The following TANC2 variants were observed in gnomAD, a reference collection of about 807,000 sequenced individuals.
TANC2 encodes the protein protein TANC2.
Under a neutral mutation model 210.5 loss-of-function variants are expected in TANC2, and 26 were observed. The observed-to-expected ratio is 0.12, with a 90% CI of 0.09 to 0.17. The LOEUF (loss-of-function observed/expected upper bound fraction) is 0.17. Ranked by LOEUF, TANC2 falls within the 10% of genes least tolerant of loss-of-function variation. The probability of loss-of-function intolerance (pLI) is 1.00; values close to 1 mark genes in which losing one functional copy is unlikely to be tolerated. For synonymous variants in TANC2, 931 were observed against 967.1 expected (o/e 0.96, Z 0.69); for missense variants, 2,129 against 2,608.9 (o/e 0.82, Z 4.01).
At chr17:62,980,000 TTC>T (rs1322160958) in intron 1 of TANC2, among the ~76,000 whole-genome samples, 1 of 152,250 alleles carries the variant, frequency 6.6e-6, no homozygotes, top group Admixed American at 6.5e-5. Context: ...GGCTTGAACC[TTC>T]TCTTTCCTTC....
chr17:63,294,995 T>TTATTTAGG (rs1283105407), intron 9 of TANC2, among the ~76,000 whole-genome samples: 1 of 152,252 alleles, frequency 6.6e-6, no homozygotes, highest in African/African-American at 2.4e-5. Context: ...AAAGAAACAT[T>TTATTTAGG]TATTTAGGCA....
At chr17:63,011,482 A>G (rs1220606570) in intron 2 of TANC2, among the ~76,000 whole-genome samples, 1 of 152,152 alleles carries the variant, frequency 6.6e-6, no homozygotes, top group Non-Finnish European at 1.5e-5. Context: ...TCATATCCTT[A>G]CTTAAAAAAT....
Position 63,107,435 on chromosome 17 carries a change from C to T in TANC2, c.322+8078C>T, listed in dbSNP as rs147462735. Among the ~76,000 whole-genome samples the T allele has an allele frequency of 1.7e-4, 26 of 151,622 alleles. No homozygotes were observed. In the East Asian group the frequency reaches 4.8e-3, roughly 28 times the overall value. ...ATACAATTCATGAAGTAGATGTTAACGATTATTGCTTTTTTATGCATGAGA... is the reference window on the plus strand; with the variant it reads ...ATACAATTCATGAAGTAGATGTTAATGATTATTGCTTTTTTATGCATGAGA... On this transcript the variant is annotated intron_variant, in intron 4 of 27. Coordinates refer to ENST00000689528, the Ensembl canonical transcript of TANC2.
intron 11 of TANC2, among the ~76,000 whole-genome samples, chr17:63,321,618 G>A (rs2045496338): frequency 6.6e-6 from 1 of 152,164 alleles, no homozygotes; most frequent in Non-Finnish European, 1.5e-5. Context: ...TCTTCTGACT[G>A]GAGAGTATAT....
rs1416227805 is a variant in TANC2 at position 63,332,495 on chromosome 17, TC to T, written c.1576-7604del. ...CTAACTTGGCACTGTTCCTTGGGCC[TC>T]CTTTGCAATCAGCCCCACTGGATTT... On this transcript the variant is annotated intron_variant, in intron 11 of 27. Transcript: ENST00000689528. The T allele has an allele frequency of 5.9e-5, 24 of 408,184 alleles. No individual in the cohort carries two copies. In the Admixed American group the frequency reaches 6.1e-4, roughly 10 times the overall value. The allele number at this position is 408,184 out of a possible 1,614,324, so 25.3% of individuals were successfully genotyped here. A position where few individuals can be genotyped will look rare whatever the true frequency, so the allele number is the denominator to read the frequency against.
At chr17:63,133,443 T>C (rs2038989341) in intron 4 of TANC2, among the ~76,000 whole-genome samples, 3 of 152,146 alleles carry the variant, frequency 2.0e-5, no homozygotes, top group Admixed American at 2.0e-4. Context: ...ACTAGGATCT[T>C]CTTCAGCTTA....
intron 8 of TANC2, among the ~76,000 whole-genome samples, chr17:63,264,595 T>C (rs1022168172): frequency 1.3e-5 from 2 of 152,126 alleles, no homozygotes; most frequent in African/African-American, 4.8e-5. Context: ...CTTATTTAAT[T>C]GAGTAATTTG....
chr17:63,107,423 A>G (rs2037869381), intron 4 of TANC2, among the ~76,000 whole-genome samples: 1 of 151,764 alleles, frequency 6.6e-6, no homozygotes, highest in Non-Finnish European at 1.5e-5. Context: ...CAATTCATGA[A>G]GTAGATGTTA....
At chr17:62,987,087 G>A (rs934113372) in intron 1 of TANC2, among the ~76,000 whole-genome samples, 2 of 152,136 alleles carry the variant, frequency 1.3e-5, no homozygotes, top group African/African-American at 4.8e-5. Flanking sequence ...GGCCTCTCCC[G>A]CTGGGGGAGT....
At chr17:63,340,421 C>A in intron 12 of TANC2, 89 bp downstream of exon 12, 1 of 1,094,496 alleles carries the variant, frequency 9.1e-7, no homozygotes. Flanking sequence ...GATTTTATCA[C>A]ATTGCCAAAA....
At chr17:62,972,378 A>G (rs371380807) in intron 1 of TANC2, among the ~76,000 whole-genome samples, 1 of 152,224 alleles carries the variant, frequency 6.6e-6, no homozygotes, top group South Asian at 2.1e-4. Flanking sequence ...CGTAATATCA[A>G]TTTCTGTCTT....
intron 12 of TANC2, among the ~76,000 whole-genome samples, chr17:63,346,872 AT>A (rs796816347): frequency 0.01 from 1,437 of 142,362 alleles, 16 homozygotes; most frequent in African/African-American, 0.029. Context: ...TACCTGGCTA[AT>A]TTTTTTTTTT....
At chr17:63,271,680 CTCT>C (rs2043714926) in intron 9 of TANC2, among the ~76,000 whole-genome samples, 1 of 146,914 alleles carries the variant, frequency 6.8e-6, no homozygotes, top group South Asian at 2.3e-4. Flanking sequence ...TGCCATTGAG[CTCT>C]TCTTCATAAG....
At chr17:63,008,447 C>A (rs947297185) in intron 1 of TANC2, among the ~76,000 whole-genome samples, 5 of 152,036 alleles carry the variant, frequency 3.3e-5, no homozygotes, top group African/African-American at 1.2e-4. Flanking sequence ...TCTATTTAAT[C>A]TGCTGGACAC....
intron 4 of TANC2, among the ~76,000 whole-genome samples, chr17:63,101,832 T>A (rs916930404): frequency 6.6e-6 from 1 of 152,176 alleles, no homozygotes; most frequent in African/African-American, 2.4e-5. Flanking sequence ...ATAATTGAGC[T>A]GAGTTTTCAA....
intron 11 of TANC2, 145 bp downstream of exon 11, chr17:63,319,235 T>C (rs2045417700): frequency 2.3e-6 from 2 of 886,118 alleles, no homozygotes; most frequent in African/African-American, 1.7e-5. Flanking sequence ...TTCTTTGATA[T>C]TCCTAGAAAA....
At chr17:63,304,670 A>G (rs2044838653) in intron 9 of TANC2, among the ~76,000 whole-genome samples, 1 of 152,172 alleles carries the variant, frequency 6.6e-6, no homozygotes, top group Non-Finnish European at 1.5e-5. Context: ...TGGATTCCTC[A>G]GAACTATGCA....
At position 63,159,865 on chromosome 17, in the gene TANC2, A is replaced by G. The variant is rs77072617; in HGVS notation, c.433+8485A>G. Among the ~76,000 whole-genome samples, 1,266 of 152,336 alleles carry G rather than the reference A, an allele frequency of 8.3e-3. 14 individuals are homozygous for G. Among genetic ancestry groups the G allele is most frequent in the African/African-American group, 0.028 (1,153 of 41,576 alleles). On this transcript the variant is annotated intron_variant, in intron 5 of 27. Transcript: ENST00000689528. ...ATTTTATTCATCTGCTCAAGCTGCCATAACAAAATACCATAGATTGGGTGG... is the reference window on the plus strand; with the variant it reads ...ATTTTATTCATCTGCTCAAGCTGCCGTAACAAAATACCATAGATTGGGTGG...
At chr17:63,268,206 G>C (rs1274864526) in intron 9 of TANC2, among the ~76,000 whole-genome samples, 1 of 152,162 alleles carries the variant, frequency 6.6e-6, no homozygotes, top group Non-Finnish European at 1.5e-5. Context: ...CTGCGGACCA[G>C]ATTCAGCCCT....
Sources: gnomAD v4.1 joint callset for allele counts (sites outside exome capture counted in the v4.1 genomes callset) on GRCh38, gnomAD v4.1.1 for gene constraint, MANE v1.5 for transcripts, NCBI Gene and HGNC (gene_info 2026-07-23, HGNC 2026-07-21) for gene names.